The following PLEKHA7 variants were observed in gnomAD, a reference collection of about 807,000 sequenced individuals.
PLEKHA7 encodes the protein pleckstrin homology domain containing A7.
A neutral mutation model predicts 170.0 loss-of-function variants in PLEKHA7; 104 were observed. The observed-to-expected ratio is 0.61, with a 90% confidence interval of 0.52 to 0.72. The LOEUF is 0.72. Among genes scored for constraint, PLEKHA7 ranks in the 30% least tolerant of loss-of-function variants. PLEKHA7 has a pLI of 0.00. For missense variants in PLEKHA7, 1,615 were observed against 1,671.7 expected (o/e 0.97, Z 0.59); for synonymous variants, 648 against 660.8 (o/e 0.98, Z 0.30).
At chr11:16,963,667 T>C (rs529996044) in intron 3 of PLEKHA7, among the ~76,000 whole-genome samples, 1 of 152,276 alleles carries the variant, frequency 6.6e-6, no homozygotes, top group South Asian at 2.1e-4. Context: ...GAGCTATTTG[T>C]ACAGCCAGTC....
At chr11:16,888,470 A>G (rs950738370) in intron 3 of PLEKHA7, among the ~76,000 whole-genome samples, 8 of 152,310 alleles carry the variant, frequency 5.3e-5, no homozygotes, top group Non-Finnish European at 1.2e-4. Context: ...GGAAGTAGAC[A>G]TAGGAGACTC....
At chr11:16,959,650 T>C (rs980134355) in intron 3 of PLEKHA7, among the ~76,000 whole-genome samples, 1 of 152,142 alleles carries the variant, frequency 6.6e-6, no homozygotes, top group Non-Finnish European at 1.5e-5. Flanking sequence ...TGAACCTGAA[T>C]TGGCTCCGTG....
chr11:16,972,163 C>T (rs1862759776), intron 3 of PLEKHA7, among the ~76,000 whole-genome samples: 1 of 150,734 alleles, frequency 6.6e-6, no homozygotes, highest in African/African-American at 2.4e-5. Flanking sequence ...CACTCTGTCT[C>T]CCTCGCTGGA....
chr11:16,818,417 C>G (rs1849940590), intron 10 of PLEKHA7, among the ~76,000 whole-genome samples: 1 of 152,244 alleles, frequency 6.6e-6, no homozygotes, highest in African/African-American at 2.4e-5. Context: ...TTCCCTCCCC[C>G]TGCCTGGATG....
chr11:16,932,512 T>G (rs1349957754), intron 3 of PLEKHA7, among the ~76,000 whole-genome samples: 3 of 152,148 alleles, frequency 2.0e-5, no homozygotes, highest in Non-Finnish European at 4.4e-5. Context: ...CTTGAATTCC[T>G]GGACTCAAGC....
In PLEKHA7 at chr11:16,855,826, G is replaced by C. The variant is rs750425253; in HGVS notation, c.394C>G (p.Leu132Val). 1.9e-6 allele frequency: 3 copies of C among 1,613,146 alleles called. No homozygotes were observed. The African/African-American group carries it at 4.0e-5, about 22-fold the overall frequency. The change falls in exon 5 of 27, where the codon CTG (leucine) becomes GTG (valine). Residue 132 changes from leucine (L) to valine (V), a missense_variant. Physicochemically the swap from Leu to Val is conservative, Grantham distance 32. Coordinates refer to ENST00000531066, the MANE Select transcript of PLEKHA7 (RefSeq NM_001329630.2). The stretch of plus-strand genomic sequence containing the variant: ...ACCTTGGGTCCAGGCTTGGCCTCCA[G>C]GGTGGAGGCGGTCCCAGCCGTGGAT... ...ETSTAGTAST[L>V]EAKPGPKIIK... is the part of the protein sequence containing the mutation.
At chr11:16,852,492 C>T in intron 6 of PLEKHA7, 137 bp from the exon 7 acceptor site, 4 of 603,692 alleles carry the variant, frequency 6.6e-6, no homozygotes, top group South Asian at 3.1e-5. Context: ...TTTTACTGAA[C>T]AGCCATTCTT....
chr11:16,903,082 A>T (rs965518684), intron 3 of PLEKHA7, among the ~76,000 whole-genome samples: 1 of 152,236 alleles, frequency 6.6e-6, no homozygotes, highest in Non-Finnish European at 1.5e-5. Context: ...TATCATTGCC[A>T]AAGGTCAGCC....
chr11:16,833,905 C>T (rs557881054), intron 9 of PLEKHA7, among the ~76,000 whole-genome samples: 2 of 152,126 alleles, frequency 1.3e-5, no homozygotes, highest in African/African-American at 2.4e-5. Context: ...TAAAAGTGGC[C>T]GGGCACGGTG....
Position 16,782,777 on chromosome 11 carries a change from G to A in PLEKHA7, c.3770C>T (p.Ser1257Phe), listed in dbSNP as rs780112009. Reference protein sequence around the residue: ...NISYALASEASQRSKQVAAQA... With the variant: ...NISYALASEAFQRSKQVAAQA... Reference sequence around the variant, plus strand: ...ACCTGCCACCTGCTTGCTACGCTGGGAGGCCTCGGAGGCCAGGGCGTAGGA... The same window carrying A: ...ACCTGCCACCTGCTTGCTACGCTGGAAGGCCTCGGAGGCCAGGGCGTAGGA... The change falls in exon 26 of 27, where the codon TCC becomes TTC. Residue 1257 changes from serine to phenylalanine, a missense_variant. Physicochemically the swap from Ser to Phe is radical, Grantham distance 155. Transcript: ENST00000531066. 4 of 1,536,142 alleles carry A rather than the reference G, an allele frequency of 2.6e-6. No homozygotes were observed. The highest frequency in any genetic ancestry group is 2.0e-5 in the Admixed American group (1 of 51,014).
intron 3 of PLEKHA7, among the ~76,000 whole-genome samples, chr11:16,925,768 G>T (rs571918401): frequency 3.3e-5 from 5 of 152,370 alleles, no homozygotes; most frequent in African/African-American, 7.2e-5. Context: ...ACCGATCAAA[G>T]CACGTGGCGC....
At chr11:16,952,613 T>TG (rs1861475283) in intron 3 of PLEKHA7, among the ~76,000 whole-genome samples, 1 of 151,992 alleles carries the variant, frequency 6.6e-6, no homozygotes, top group African/African-American at 2.4e-5. Flanking sequence ...ATAATACAGG[T>TG]GGAGTGTCTT....
At chr11:16,933,283 G>C (rs1331801075) in intron 3 of PLEKHA7, among the ~76,000 whole-genome samples, 1 of 152,244 alleles carries the variant, frequency 6.6e-6, no homozygotes, top group African/African-American at 2.4e-5. Context: ...ATCACAGTAA[G>C]TGGAGGATCC....
At chr11:16,808,059 G>A (rs1156990081) in intron 13 of PLEKHA7, among the ~76,000 whole-genome samples, 2 of 152,222 alleles carry the variant, frequency 1.3e-5, no homozygotes, top group Non-Finnish European at 2.9e-5. Flanking sequence ...GATCTGGGGT[G>A]GGACCCAAGA....
At chr11:16,858,492 ATTT>A (rs59399110) in intron 4 of PLEKHA7, among the ~76,000 whole-genome samples, 1 of 143,144 alleles carries the variant, frequency 7.0e-6, no homozygotes, top group Non-Finnish European at 1.5e-5. Flanking sequence ...TCTTTAACAA[ATTT>A]TTTTTTTTTT....
chr11:16,971,636 G>C (rs1340772664), intron 3 of PLEKHA7, among the ~76,000 whole-genome samples: 1 of 152,108 alleles, frequency 6.6e-6, no homozygotes, highest in Non-Finnish European at 1.5e-5. Flanking sequence ...TTTGTTAAAT[G>C]TTTCTCTGGA....
chr11:16,837,174 A>C (rs1851581508), intron 9 of PLEKHA7, among the ~76,000 whole-genome samples: 3 of 152,142 alleles, frequency 2.0e-5, no homozygotes, highest in Admixed American at 2.0e-4. Flanking sequence ...ATGATCATGG[A>C]GTTTTAAGAG....
At chr11:16,912,379 C>T (rs1858313160) in intron 3 of PLEKHA7, among the ~76,000 whole-genome samples, 1 of 152,194 alleles carries the variant, frequency 6.6e-6, no homozygotes, top group African/African-American at 2.4e-5. Context: ...TGACATTCAG[C>T]ACCAAAGAGA....
Position 16,826,596 on chromosome 11 carries a change from A to G in PLEKHA7, c.873-6T>C. 1 of 1,608,264 alleles carries G rather than the reference A, an allele frequency of 6.2e-7. No homozygotes were observed. Among genetic ancestry groups the G allele is most frequent in the African/African-American group, 1.3e-5 (1 of 75,012 alleles). ...GCTCCACCTTCTCCATATCCCTGCA[A>G]TGACAGCAGCACATTCAGTTTGCTC... On this transcript the variant is annotated splice_region_variant and splice_polypyrimidine_tract_variant and intron_variant, in intron 9 of 26. Coordinates refer to ENST00000531066, the MANE Select transcript of PLEKHA7 (RefSeq NM_001329630.2).
Sources: allele counts gnomAD v4.1 joint callset (sites outside exome capture counted in the v4.1 genomes callset), GRCh38; gene constraint gnomAD v4.1.1; transcripts MANE v1.5; gene names NCBI Gene and HGNC (gene_info 2026-07-23, HGNC 2026-07-21).